NRXN1: variants seen among roughly 807,000 people sequenced by gnomAD.
The protein encoded by NRXN1 is neurexin 1.
A neutral mutation model predicts 150.9 loss-of-function variants in NRXN1; 39 were observed. The ratio of observed to expected loss-of-function variants is 0.26; its 90% CI spans 0.20 to 0.34. The LOEUF is 0.34. Ranked by LOEUF, NRXN1 falls within the 10% of genes least tolerant of loss-of-function variation. The pLI is 1.00. For missense variants in NRXN1, 1,815 were observed against 1,949.9 expected (o/e 0.93, Z 1.30); for synonymous variants, 924 against 757.0 (o/e 1.22, Z -3.62).
chr2:50,977,468 A>G (rs1372988262), intron 2 of NRXN1, among the ~76,000 whole-genome samples: 10 of 151,950 alleles, frequency 6.6e-5, no homozygotes, highest in Admixed American at 6.6e-5. Context: ...AACTACATAT[A>G]CCAAGACCAC....
chr2:50,938,265 G>C (rs547742104), intron 2 of NRXN1, among the ~76,000 whole-genome samples: 1 of 152,066 alleles, frequency 6.6e-6, no homozygotes. Flanking sequence ...TGAAAATTAA[G>C]GTATGTGTGC....
intron 15 of NRXN1, among the ~76,000 whole-genome samples, chr2:50,474,869 C>T (rs1170100987): frequency 8.2e-6 from 1 of 121,458 alleles, no homozygotes; most frequent in African/African-American, 3.2e-5. Flanking sequence ...CAGTAGAACT[C>T]ACCCCATTGA....
At chr2:50,854,676 C>T (rs1451379341) in intron 5 of NRXN1, among the ~76,000 whole-genome samples, 1 of 152,070 alleles carries the variant, frequency 6.6e-6, no homozygotes, top group Non-Finnish European at 1.5e-5. Flanking sequence ...TCAAATCTTA[C>T]TTGGCCCAAC....
intron 5 of NRXN1, among the ~76,000 whole-genome samples, chr2:50,745,707 T>C (rs557224857): frequency 6.6e-6 from 1 of 152,006 alleles, no homozygotes; most frequent in Admixed American, 6.6e-5. Context: ...CTTCCTCACA[T>C]GGCAGCAGGA....
At chr2:49,996,016 C>G (rs1007286011) in intron 21 of NRXN1, among the ~76,000 whole-genome samples, 2 of 151,970 alleles carry the variant, frequency 1.3e-5, no homozygotes, top group African/African-American at 4.8e-5. Context: ...GAGCAGTGAT[C>G]TGCACAGGAA....
chr2:49,998,841 T>A lies in NRXN1; in HGVS notation c.4128+54430A>T, dbSNP rs1357959916. ...TTTTGAGCCAGCTGTTCATAAATTTTTCTCTGTCTTTTCTCACTGGCATGC... is the reference window on the plus strand; with the variant it reads ...TTTTGAGCCAGCTGTTCATAAATTTATCTCTGTCTTTTCTCACTGGCATGC... On this transcript the variant is annotated intron_variant, in intron 21 of 22. Coordinates refer to ENST00000401669, the MANE Select transcript of NRXN1 (RefSeq NM_001330078.2). Among the ~76,000 whole-genome samples, 4 of 152,220 alleles carry A rather than the reference T, an allele frequency of 2.6e-5. No individual in the cohort carries two copies. In the East Asian group the frequency reaches 7.7e-4, roughly 29 times the overall value.
intron 5 of NRXN1, chr2:50,841,069 T>A (rs940052464): frequency 6.6e-6 from 1 of 152,644 alleles, no homozygotes; most frequent in Non-Finnish European, 1.5e-5. Context: ...ACCATGTTAA[T>A]GTAGAAATAA....
chr2:50,759,826 CTGTGTGTG>C (rs72209781), intron 5 of NRXN1, among the ~76,000 whole-genome samples: 1,903 of 142,378 alleles, frequency 0.013, 35 homozygotes, highest in African/African-American at 0.033. Flanking sequence ...TCTAACTAAG[CTGTGTGTG>C]TGTGTGTGTG....
chr2:50,446,694 C>T (rs962629047), intron 17 of NRXN1, among the ~76,000 whole-genome samples: 1 of 151,712 alleles, frequency 6.6e-6, no homozygotes, highest in Non-Finnish European at 1.5e-5. Context: ...CTGAGTAATA[C>T]TTTTTGGCTG....
At chr2:50,757,549 G>C (rs1329721520) in intron 5 of NRXN1, among the ~76,000 whole-genome samples, 1 of 151,740 alleles carries the variant, frequency 6.6e-6, no homozygotes, top group Non-Finnish European at 1.5e-5. Flanking sequence ...CAAATTAAAA[G>C]TAAGTACAGA....
rs1025510877 is a variant in NRXN1 at position 50,347,712 on chromosome 2, G to C, written c.3365-110742C>G. 1.0e-6 allele frequency: 1 copy of C among 986,986 alleles called. No homozygotes were observed. The highest frequency in any genetic ancestry group is 1.7e-5 in the African/African-American group (1 of 57,254). The allele number at this position is 986,986 out of a possible 1,614,324, so 61.1% of individuals were successfully genotyped here. ...AGCTGAGAAGAAGATGCAGACGAAGGAGTAAGGGAGAGAAACAGAAAAAGA... is the reference window on the plus strand; with the variant it reads ...AGCTGAGAAGAAGATGCAGACGAAGCAGTAAGGGAGAGAAACAGAAAAAGA... On this transcript the variant is annotated intron_variant, in intron 17 of 22. Transcript: ENST00000401669. The surrounding 1 kb of genome is among the most constrained non-coding windows in gnomAD (Gnocchi z 4.9).
At chr2:50,219,986 T>TA (rs2063746317) in intron 18 of NRXN1, among the ~76,000 whole-genome samples, 1 of 25,534 alleles carries the variant, frequency 3.9e-5, no homozygotes, top group African/African-American at 4.8e-4. Context: ...ATATATATAT[T>TA]ATATATAATA....
At chr2:50,574,962 T>C (rs946589782) in intron 8 of NRXN1, among the ~76,000 whole-genome samples, 1 of 152,196 alleles carries the variant, frequency 6.6e-6, no homozygotes, top group Non-Finnish European at 1.5e-5. Flanking sequence ...CAATGATGCA[T>C]TGCACTAATA....
intron 2 of NRXN1, among the ~76,000 whole-genome samples, chr2:50,984,062 G>C (rs1011786524): frequency 1.3e-5 from 2 of 151,172 alleles, no homozygotes; most frequent in African/African-American, 4.9e-5. Context: ...CCACCTCCTG[G>C]GTTCAAGCAA....
chr2:50,996,135 G>A (rs1699248187), intron 2 of NRXN1, among the ~76,000 whole-genome samples: 1 of 152,040 alleles, frequency 6.6e-6, no homozygotes, highest in Non-Finnish European at 1.5e-5. Context: ...ATTAAGACAG[G>A]AAATAAATCA....
intron 17 of NRXN1, among the ~76,000 whole-genome samples, chr2:50,311,757 G>A (rs1157137050): frequency 2.0e-5 from 3 of 152,192 alleles, no homozygotes; most frequent in Non-Finnish European, 4.4e-5. Flanking sequence ...CCAGGGTAGG[G>A]AGACTGTTTG....
At chr2:50,495,770 G>A (rs758993136) in intron 15 of NRXN1, 135 bp downstream of exon 15, 2 of 649,998 alleles carry the variant, frequency 3.1e-6, no homozygotes, top group East Asian at 2.9e-5. Flanking sequence ...GTGTTGTATT[G>A]TTAATTATGT....
At chr2:50,519,540 G>C (rs2092726009) in intron 12 of NRXN1, among the ~76,000 whole-genome samples, 1 of 151,968 alleles carries the variant, frequency 6.6e-6, no homozygotes, top group Non-Finnish European at 1.5e-5. Flanking sequence ...TGGTTTATCT[G>C]AAGAGACAGT....
chr2:50,683,188 T>A (rs1690667394), intron 5 of NRXN1, among the ~76,000 whole-genome samples: 1 of 152,092 alleles, frequency 6.6e-6, no homozygotes, highest in Non-Finnish European at 1.5e-5. Context: ...GTTTTATTGC[T>A]GACGGTATTT....
Sources: allele counts gnomAD v4.1 joint callset (sites outside exome capture counted in the v4.1 genomes callset), GRCh38; gene constraint gnomAD v4.1.1; non-coding constraint Gnocchi (gnomAD v3.1); transcripts MANE v1.5; gene names NCBI Gene and HGNC (gene_info 2026-07-23, HGNC 2026-07-21).